Variants in EBF2 observed in about 807,000 individuals in gnomAD.
EBF2 encodes the protein EBF transcription factor 2.
A neutral mutation model predicts 72.8 loss-of-function variants in EBF2; 21 were observed. The ratio of observed to expected loss-of-function variants is 0.29; its 90% CI spans 0.20 to 0.42. The LOEUF (loss-of-function observed/expected upper bound fraction) is 0.42, where lower values mean the gene tolerates loss of function less well. Ranked by LOEUF, EBF2 falls within the 10% of genes least tolerant of loss-of-function variation. The pLI is 1.00. For synonymous variants in EBF2, 299 were observed against 274.2 expected (o/e 1.09, Z -0.89); for missense variants, 637 against 731.2 (o/e 0.87, Z 1.49).
intron 1 of EBF2, among the ~76,000 whole-genome samples, chr8:26,042,493 C>A (rs1402745435): frequency 6.6e-6 from 1 of 151,964 alleles, no homozygotes; most frequent in African/African-American, 2.4e-5. Context: ...CCAAGTGGTC[C>A]GGCATCCCAC....
rs141558097 is a variant in EBF2 at position 26,020,898 on chromosome 8, G to A, written c.551+12187C>T. 5.4e-3 allele frequency among the ~76,000 whole-genome samples: 817 copies of A among 152,276 alleles called. 15 individuals are homozygous for A. The highest frequency in any genetic ancestry group is 0.018 in the African/African-American group (759 of 41,534). Reference sequence around the variant, plus strand: ...GGTAAGTATCGAGCGGACTGTTAGCGTTAAATCGAAGTAAAGTCTGGCTCT... The same window carrying A: ...GGTAAGTATCGAGCGGACTGTTAGCATTAAATCGAAGTAAAGTCTGGCTCT... On this transcript the variant is annotated intron_variant, in intron 6 of 15. Coordinates refer to ENST00000520164, the MANE Select transcript of EBF2 (RefSeq NM_022659.4).
intron 6 of EBF2, among the ~76,000 whole-genome samples, chr8:25,915,862 A>T (rs769335734): frequency 2.6e-5 from 4 of 152,182 alleles, no homozygotes; most frequent in Admixed American, 6.5e-5. Context: ...GGTAGCAGAT[A>T]ATTTCAGTCC....
rs765205445 is a variant in EBF2, at chr8:25,861,124, C to T, written c.1267G>A (p.Gly423Ser). ...CCATAGGAGTTGATTCCCATCATGC[C>T]ACTGTGCGCTGGGGAGCTAGAGAGG... ...PALSSSPAHS[G>S]MMGINSYGSQ... The change falls in exon 13 of 16, where the codon GGC becomes AGC. Residue 423 changes from glycine to serine, a missense_variant. By Grantham distance (56) the Gly-to-Ser change is moderately conservative. This residue lies in a region of EBF2 where 259 missense variants were observed against 268.1 expected (regional missense o/e 0.97). Coordinates refer to ENST00000520164, the MANE Select transcript of EBF2 (RefSeq NM_022659.4). 3.1e-6 allele frequency: 5 copies of T among 1,614,052 alleles called. No individual in the cohort carries two copies. The highest frequency in any genetic ancestry group is 1.6e-4 in the Middle Eastern group (1 of 6,084).
At chr8:25,904,611 T>C (rs1222398908) in intron 7 of EBF2, among the ~76,000 whole-genome samples, 1 of 152,190 alleles carries the variant, frequency 6.6e-6, no homozygotes, top group East Asian at 1.9e-4. Flanking sequence ...CTCTAAATGA[T>C]TGTCTTTGTC....
At position 26,042,297 on chromosome 8, in the gene EBF2, A is replaced by G. The variant is rs777155565; in HGVS notation, c.132-46T>C. The G allele has an allele frequency of 5.7e-6, 9 of 1,576,094 alleles. No homozygotes were observed. In the South Asian group the frequency reaches 8.0e-5, roughly 14 times the overall value. On this transcript the variant is annotated intron_variant, in intron 1 of 15. Transcript: ENST00000520164. Reference sequence around the variant, plus strand: ...GGGAACACAAGACACGGGGAAGCACAAAAAGGCGATGTTACTAACCGCCCA... The same window carrying G: ...GGGAACACAAGACACGGGGAAGCACGAAAAGGCGATGTTACTAACCGCCCA...
intron 6 of EBF2, chr8:26,031,860 A>G (rs956555156): frequency 6.6e-6 from 1 of 152,194 alleles, no homozygotes; most frequent in African/African-American, 2.4e-5. Context: ...CTGACTCCAA[A>G]GAGTCCTTGC....
intron 6 of EBF2, among the ~76,000 whole-genome samples, chr8:25,980,032 G>A (rs1255767495): frequency 6.6e-6 from 1 of 152,102 alleles, no homozygotes; most frequent in Non-Finnish European, 1.5e-5. Context: ...ACTCACACAG[G>A]CTAATAAAAA....
intron 6 of EBF2, among the ~76,000 whole-genome samples, chr8:25,985,085 G>A (rs1379221046): frequency 6.6e-6 from 1 of 152,158 alleles, no homozygotes; most frequent in Non-Finnish European, 1.5e-5. Flanking sequence ...ACAGAACTGA[G>A]CAAGGCATGG....
At chr8:25,877,603 C>T (rs1173390511) in intron 10 of EBF2, among the ~76,000 whole-genome samples, 1 of 152,144 alleles carries the variant, frequency 6.6e-6, no homozygotes, top group Non-Finnish European at 1.5e-5. Context: ...TAATAATGGG[C>T]TTGGCTCTGT....
intron 6 of EBF2, among the ~76,000 whole-genome samples, chr8:25,982,414 G>T (rs1338271895): frequency 6.6e-6 from 1 of 152,020 alleles, no homozygotes; most frequent in East Asian, 1.9e-4. Flanking sequence ...CTGTGGCCCC[G>T]CTCCCTCATC....
intron 15 of EBF2, among the ~76,000 whole-genome samples, chr8:25,849,305 G>C (rs1801909502): frequency 6.6e-6 from 1 of 152,154 alleles, no homozygotes; most frequent in Non-Finnish European, 1.5e-5. Flanking sequence ...CCAGTGTTGG[G>C]ATGGCTCAGG....
intron 6 of EBF2, among the ~76,000 whole-genome samples, chr8:25,972,870 C>CTTTT (rs35053241): frequency 1.1e-4 from 14 of 124,736 alleles, no homozygotes; most frequent in African/African-American, 3.6e-4. Context: ...TGCAGTTTGG[C>CTTTT]TTTTTTTTTT....
intron 6 of EBF2, among the ~76,000 whole-genome samples, chr8:25,944,005 C>T (rs1803724065): frequency 6.6e-6 from 1 of 152,094 alleles, no homozygotes; most frequent in South Asian, 2.1e-4. Flanking sequence ...TCCAACCATC[C>T]CCGGAAATGG....
intron 6 of EBF2, among the ~76,000 whole-genome samples, chr8:25,958,402 T>A (rs1326596204): frequency 2.4e-5 from 1 of 41,502 alleles, no homozygotes; most frequent in African/African-American, 7.7e-5. Context: ...TTCCCCGGCA[T>A]TTTTTTTTTT....
chr8:25,964,355 A>G (rs11135904), intron 6 of EBF2, among the ~76,000 whole-genome samples: 87,017 of 151,878 alleles, frequency 0.57, 25,323 homozygotes, highest in East Asian at 0.89. Flanking sequence ...TACGTTTAGG[A>G]TTGGTTTTCT....
intron 6 of EBF2, among the ~76,000 whole-genome samples, chr8:25,991,281 T>A (rs1196764964): frequency 6.6e-6 from 1 of 152,222 alleles, no homozygotes; most frequent in Non-Finnish European, 1.5e-5. Flanking sequence ...TGGGGGTTCA[T>A]TTGGCAAAAG....
intron 7 of EBF2, 119 bp downstream of exon 7, chr8:25,908,346 ATTGTCTTTT>A: frequency 1.4e-6 from 1 of 694,040 alleles, no homozygotes. Flanking sequence ...ATCGTTTACC[ATTGTCTTTT>A]TTATTGTTAG....
intron 6 of EBF2, among the ~76,000 whole-genome samples, chr8:26,004,219 T>A (rs1304904647): frequency 6.6e-6 from 1 of 152,208 alleles, no homozygotes; most frequent in Non-Finnish European, 1.5e-5. Context: ...ATGGCTTTTC[T>A]TGGACCATAA....
intron 6 of EBF2, among the ~76,000 whole-genome samples, chr8:25,984,321 T>TA (rs1414189150): frequency 6.6e-6 from 1 of 152,084 alleles, no homozygotes; most frequent in Non-Finnish European, 1.5e-5. Context: ...AGAGCATATG[T>TA]AAATATACCC....
Sources: gnomAD v4.1 joint callset for allele counts (sites outside exome capture counted in the v4.1 genomes callset) on GRCh38, gnomAD v4.1.1 for gene constraint, gnomAD v4.1.1 regional missense constraint, MANE v1.5 for transcripts, NCBI Gene and HGNC (gene_info 2026-07-23, HGNC 2026-07-21) for gene names.